The following RFX8 variants were observed in gnomAD, a reference collection of about 807,000 sequenced individuals.
RFX8 encodes the protein DNA-binding protein RFX8.
RFX8 carries 46 observed loss-of-function variants against 54.6 expected under a neutral mutation model. The ratio of observed to expected loss-of-function variants is 0.84; its 90% CI spans 0.67 to 1.08. The LOEUF is 1.08. Ranked by LOEUF, RFX8 falls within the 50% of genes least tolerant of loss-of-function variation. The pLI, the probability that RFX8 is intolerant of heterozygous loss-of-function variation, is 0.00. For synonymous variants in RFX8, 192 were observed against 209.5 expected (o/e 0.92, Z 0.72); for missense variants, 536 against 562.3 (o/e 0.95, Z 0.47).
chr2:101,458,359 T>C (rs1689095469), intron 2 of RFX8, among the ~76,000 whole-genome samples: 1 of 152,230 alleles, frequency 6.6e-6, no homozygotes, highest in Non-Finnish European at 1.5e-5. Flanking sequence ...CGGCTGTTTG[T>C]TTCCAAGTTT....
chr2:101,422,326 C>A, intron 3 of RFX8, 36 bp downstream of exon 3: 2 of 1,005,612 alleles, frequency 2.0e-6, no homozygotes, highest in East Asian at 2.6e-5. Context: ...CATCATACAG[C>A]GTGAAAGGCT....
At chr2:101,428,867 G>A (rs1157864303) in intron 2 of RFX8, 9 of 812,544 alleles carry the variant, frequency 1.1e-5, no homozygotes, top group African/African-American at 5.1e-5. Flanking sequence ...AGAAGAGTAC[G>A]CACAGAAAAA....
chr2:101,453,980 T>C (rs952359410), intron 2 of RFX8, among the ~76,000 whole-genome samples: 1 of 152,190 alleles, frequency 6.6e-6, no homozygotes, highest in African/African-American at 2.4e-5. Context: ...ACATGTGCCA[T>C]GTTGGTTTGC....
chr2:101,401,804 C>T (rs1685458094), intron 11 of RFX8, among the ~76,000 whole-genome samples: 1 of 152,134 alleles, frequency 6.6e-6, no homozygotes, highest in Admixed American at 6.5e-5. Flanking sequence ...TGAGATCAGG[C>T]AGGCTGGGGC....
At position 101,474,473 on chromosome 2, in the gene RFX8, G is replaced by C. The variant is rs187329892; in HGVS notation, c.-53+163C>G. 1,093 of 351,958 alleles carry C rather than the reference G, an allele frequency of 3.1e-3. 14 individuals are homozygous for C. The highest frequency in any genetic ancestry group is 0.021 in the African/African-American group (1,005 of 46,906). The allele number at this position is 351,958 out of a possible 1,614,324, so 21.8% of individuals were successfully genotyped here. ...GGCGCGGAAGGCGCGCGGCGAGTACGGGAGGCCACAGCTCCCCAACCCCCG... is the reference window on the plus strand; with the variant it reads ...GGCGCGGAAGGCGCGCGGCGAGTACCGGAGGCCACAGCTCCCCAACCCCCG... On this transcript the variant is annotated intron_variant, in intron 1 of 11. Transcript: ENST00000428343.
intron 2 of RFX8, among the ~76,000 whole-genome samples, chr2:101,459,046 G>C (rs1460979822): frequency 6.6e-6 from 1 of 152,052 alleles, no homozygotes; most frequent in Non-Finnish European, 1.5e-5. Flanking sequence ...CTCGTGCCAC[G>C]GTTTTCAGCT....
At chr2:101,407,877 G>T (rs949445812) in intron 9 of RFX8, among the ~76,000 whole-genome samples, 2 of 152,120 alleles carry the variant, frequency 1.3e-5, no homozygotes, top group Non-Finnish European at 2.9e-5. Flanking sequence ...TCCAGGGCCC[G>T]AACTGCCCTC....
intron 2 of RFX8, among the ~76,000 whole-genome samples, chr2:101,440,400 T>C (rs1688030432): frequency 6.6e-6 from 1 of 152,224 alleles, no homozygotes; most frequent in Non-Finnish European, 1.5e-5. Context: ...ACACCTGCTT[T>C]CCTTTTAGGA....
intron 6 of RFX8, among the ~76,000 whole-genome samples, chr2:101,416,815 C>T (rs563281682): frequency 6.6e-6 from 1 of 152,222 alleles, no homozygotes; most frequent in South Asian, 2.1e-4. Flanking sequence ...AGTTCAGGCT[C>T]GCGCTTGGAA....
chr2:101,462,055 A>G (rs528739129), intron 2 of RFX8, among the ~76,000 whole-genome samples: 4 of 152,320 alleles, frequency 2.6e-5, no homozygotes, highest in African/African-American at 9.6e-5. Context: ...TCTATCCTAA[A>G]AAAATGACCA....
chr2:101,413,851 C>T (rs540264207), intron 7 of RFX8, among the ~76,000 whole-genome samples: 4 of 152,236 alleles, frequency 2.6e-5, no homozygotes, highest in East Asian at 1.9e-4. Context: ...GACACAACCC[C>T]GCTGAGCTCA....
At chr2:101,424,664 A>G (rs1687071720) in intron 2 of RFX8, among the ~76,000 whole-genome samples, 1 of 152,228 alleles carries the variant, frequency 6.6e-6, no homozygotes, top group South Asian at 2.1e-4. Context: ...TGGCACATAT[A>G]CACCACGGAA....
chr2:101,464,500 T>C (rs1689468904), intron 2 of RFX8, among the ~76,000 whole-genome samples: 2 of 152,168 alleles, frequency 1.3e-5, no homozygotes, highest in African/African-American at 4.8e-5. Flanking sequence ...GAAGTGAGAA[T>C]TGCGGATTTT....
chr2:101,435,966 G>A lies in RFX8; in HGVS notation c.73-13494C>T, dbSNP rs948235820. The stretch of plus-strand genomic sequence containing the variant: ...CCATCCCACCCCAGTGAAAACGAAC[G>A]CCCCCACCCGCTGCTCAGCCACCTC... On this transcript the variant is annotated intron_variant, in intron 2 of 11. Coordinates refer to ENST00000428343, the MANE Select transcript of RFX8 (RefSeq NM_001145664.2). Among the ~76,000 whole-genome samples, 7 of 152,064 alleles carry A rather than the reference G, an allele frequency of 4.6e-5. No individual in the cohort carries two copies. In the East Asian group the frequency reaches 9.7e-4, roughly 21 times the overall value.
chr2:101,411,563 T>G (rs536096811), intron 8 of RFX8, among the ~76,000 whole-genome samples: 1 of 152,224 alleles, frequency 6.6e-6, no homozygotes, highest in African/African-American at 2.4e-5. Flanking sequence ...AGAGGAGGTT[T>G]TGGTTAGCCA....
chr2:101,431,478 G>A (rs1207808198), intron 2 of RFX8, among the ~76,000 whole-genome samples: 2 of 152,164 alleles, frequency 1.3e-5, no homozygotes, highest in Non-Finnish European at 2.9e-5. Flanking sequence ...ACCCTGATCT[G>A]GTTGGTGTTC....
chr2:101,446,826 C>A (rs1016193556), intron 2 of RFX8, among the ~76,000 whole-genome samples: 4 of 151,702 alleles, frequency 2.6e-5, no homozygotes, highest in Admixed American at 6.6e-5. Flanking sequence ...GGGGGGCACA[C>A]AATGGAATGC....
intron 11 of RFX8, among the ~76,000 whole-genome samples, chr2:101,398,217 G>A (rs942263762): frequency 6.6e-6 from 1 of 152,198 alleles, no homozygotes; most frequent in Non-Finnish European, 1.5e-5. Flanking sequence ...GTCCAGTGAG[G>A]ACTCAGTGGG....
In RFX8 at chr2:101,466,909, G is replaced by C; in HGVS notation, c.-52-9C>G. On this transcript the variant is annotated splice_polypyrimidine_tract_variant and intron_variant, in intron 1 of 11. Coordinates refer to ENST00000428343, the MANE Select transcript of RFX8 (RefSeq NM_001145664.2). ...AGAAGTTGTCGACCAACCTGGAGGA[G>C]AGGAGGACAAGGAGGAGGAAATTGG... 1 of 1,256,060 alleles carries C rather than the reference G, an allele frequency of 8.0e-7. No homozygotes were observed. The highest frequency in any genetic ancestry group is 1.1e-6 in the Non-Finnish European group (1 of 878,090). 77.8% of individuals were successfully genotyped at this position (1,256,060 alleles called of 1,614,324 possible). A position where few individuals can be genotyped will look rare whatever the true frequency, so the allele number is the denominator to read the frequency against.
Sources: allele counts gnomAD v4.1 joint callset (sites outside exome capture counted in the v4.1 genomes callset), GRCh38; gene constraint gnomAD v4.1.1; transcripts MANE v1.5; gene names NCBI Gene and HGNC (gene_info 2026-07-23, HGNC 2026-07-21).